KANK1: variants seen among roughly 807,000 people sequenced by gnomAD.
KANK1 encodes the protein KN motif and ankyrin repeat domains 1, also known as KN motif and ankyrin repeat domain-containing protein 1.
A neutral mutation model predicts 106.2 loss-of-function variants in KANK1; 109 were observed. The observed-to-expected ratio is 1.03, with a 90% confidence interval of 0.88 to 1.20. The LOEUF is 1.20. Among genes scored for constraint, KANK1 ranks in the 50% most tolerant of loss-of-function variants. The pLI, the probability that KANK1 is intolerant of heterozygous loss-of-function variation, is 0.00. For missense variants in KANK1, 2,399 were observed against 1,710.7 expected (o/e 1.40, Z -7.10); for synonymous variants, 873 against 652.2 (o/e 1.34, Z -5.16).
At chr9:690,303 C>T (rs1588939879) in intron 2 of KANK1, among the ~76,000 whole-genome samples, 1 of 133,906 alleles carries the variant, frequency 7.5e-6, no homozygotes, top group Non-Finnish European at 1.5e-5. Flanking sequence ...GAGACTCTGT[C>T]TCAAAAAAAA....
At position 530,264 on chromosome 9, in the gene KANK1, A is replaced by T. The variant is rs143189220; in HGVS notation, c.-84+25510A>T. On this transcript the variant is annotated intron_variant, in intron 1 of 11. Transcript: ENST00000382297. ...TAGCAGCTTATTTTAAAGTCTTTGG[A>T]TTTAATATCATGAAGAGAAAAAGGC... Among the ~76,000 whole-genome samples, 610 of 152,290 alleles carry T rather than the reference A, an allele frequency of 4.0e-3. 5 individuals are homozygous for T. Among genetic ancestry groups the T allele is most frequent in the African/African-American group, 0.013 (540 of 41,562 alleles).
chr9:526,544 C>G (rs1311734748), intron 1 of KANK1, among the ~76,000 whole-genome samples: 1 of 151,590 alleles, frequency 6.6e-6, no homozygotes, highest in Non-Finnish European at 1.5e-5. Flanking sequence ...AAGACCCTTT[C>G]TGTACAAAAA....
chr9:491,390 C>T (rs1466810145), intron 3 of KANK1, among the ~76,000 whole-genome samples: 1 of 151,990 alleles, frequency 6.6e-6, no homozygotes, highest in African/African-American at 2.4e-5. Flanking sequence ...GCCTCAGCCT[C>T]CTGAGTAGCT....
At chr9:671,298 A>G (rs1390743975) in intron 1 of KANK1, among the ~76,000 whole-genome samples, 2 of 151,884 alleles carry the variant, frequency 1.3e-5, no homozygotes, top group Non-Finnish European at 2.9e-5. Context: ...ACATTCATAT[A>G]AAGAACAAGG....
At chr9:535,820 C>T (rs1050054301) in intron 1 of KANK1, among the ~76,000 whole-genome samples, 4 of 152,170 alleles carry the variant, frequency 2.6e-5, no homozygotes, top group Non-Finnish European at 4.4e-5. Flanking sequence ...CTTCTGGGTC[C>T]TCACAAGCAG....
intron 1 of KANK1, among the ~76,000 whole-genome samples, chr9:558,674 A>G (rs920795875): frequency 3.4e-5 from 5 of 148,408 alleles, no homozygotes; most frequent in African/African-American, 1.0e-4. Flanking sequence ...CAAAATCACC[A>G]AGAAACCCAC....
chr9:511,987 G>A (rs895720045), intron 1 of KANK1, among the ~76,000 whole-genome samples: 1 of 152,042 alleles, frequency 6.6e-6, no homozygotes, highest in Admixed American at 6.5e-5. Context: ...TGGTGGATGT[G>A]CTGGTCCACT....
chr9:552,571 G>T (rs976734195), intron 1 of KANK1, among the ~76,000 whole-genome samples: 3 of 152,152 alleles, frequency 2.0e-5, no homozygotes, highest in African/African-American at 7.2e-5. Context: ...GAAGGGAACT[G>T]CTCATTTGAA....
chr9:643,409 C>T (rs1286374179), intron 1 of KANK1, among the ~76,000 whole-genome samples: 3 of 150,682 alleles, frequency 2.0e-5, no homozygotes, highest in East Asian at 1.9e-4. Flanking sequence ...ATCCTTTTTG[C>T]AGTACTTTTT....
Position 716,006 on chromosome 9 carries a change from T to C in KANK1, c.2698+2542T>C, listed in dbSNP as rs1226987564. Among the ~76,000 whole-genome samples, 2 of 152,218 alleles carry C rather than the reference T, an allele frequency of 1.3e-5. 1 individual carries two copies. Among genetic ancestry groups the C allele is most frequent in the South Asian group, 4.1e-4 (2 of 4,828 alleles). ...ATAGAGAATAGCACTCACCACAGTCTAGAATGTATTTCTGAACCAAAAGAT... is the reference window on the plus strand; with the variant it reads ...ATAGAGAATAGCACTCACCACAGTCCAGAATGTATTTCTGAACCAAAAGAT... On this transcript the variant is annotated intron_variant, in intron 3 of 11. Coordinates refer to ENST00000382297, the MANE Select transcript of KANK1 (RefSeq NM_015158.5).
chr9:621,899 C>T (rs1451211311), intron 1 of KANK1, among the ~76,000 whole-genome samples: 2 of 152,152 alleles, frequency 1.3e-5, no homozygotes, highest in East Asian at 1.9e-4. Flanking sequence ...TCCAAATGCT[C>T]CACCAAAGGG....
At chr9:654,610 C>G (rs951964138) in intron 1 of KANK1, among the ~76,000 whole-genome samples, 1 of 152,048 alleles carries the variant, frequency 6.6e-6, no homozygotes, top group Non-Finnish European at 1.5e-5. Flanking sequence ...TGCTTTGACC[C>G]TATGAGCCCA....
At chr9:735,083 T>A (rs1159021098) in intron 7 of KANK1, among the ~76,000 whole-genome samples, 1 of 152,220 alleles carries the variant, frequency 6.6e-6, no homozygotes, top group Non-Finnish European at 1.5e-5. Context: ...GAGGCATCTG[T>A]GAGGCGTACA....
intron 1 of KANK1, among the ~76,000 whole-genome samples, chr9:532,272 A>C (rs1587568306): frequency 3.6e-5 from 4 of 110,658 alleles, no homozygotes; most frequent in South Asian, 2.6e-4. Flanking sequence ...ACAGAGTTTC[A>C]CTCTTGTTGC....
chr9:484,928 G>T (rs1169336927), intron 3 of KANK1, among the ~76,000 whole-genome samples: 1 of 142,242 alleles, frequency 7.0e-6, no homozygotes, highest in East Asian at 1.9e-4. Context: ...ATCTGCCATG[G>T]AGAATGCAAA....
intron 1 of KANK1, among the ~76,000 whole-genome samples, chr9:573,712 A>C (rs2804270): frequency 1.3e-5 from 2 of 151,534 alleles, no homozygotes; most frequent in Non-Finnish European, 2.9e-5. Flanking sequence ...TTTCTAGCTC[A>C]ACACTCCCAC....
chr9:610,928 C>G (rs1046567446), intron 1 of KANK1, among the ~76,000 whole-genome samples: 1 of 152,138 alleles, frequency 6.6e-6, no homozygotes, highest in Admixed American at 6.5e-5. Context: ...CGTCCCCAGT[C>G]CCGTAGAAGA....
At chr9:573,905 T>G (rs977031928) in intron 1 of KANK1, among the ~76,000 whole-genome samples, 3 of 152,212 alleles carry the variant, frequency 2.0e-5, no homozygotes, top group African/African-American at 7.2e-5. Flanking sequence ...CAGGGCACTT[T>G]TTGTTTTGTA....
intron 1 of KANK1, among the ~76,000 whole-genome samples, chr9:628,633 T>C (rs1834925004): frequency 6.6e-6 from 1 of 152,120 alleles, no homozygotes; most frequent in Non-Finnish European, 1.5e-5. Flanking sequence ...AACTACTGAC[T>C]TAGGATTCAA....
Sources: allele counts gnomAD v4.1 joint callset (sites outside exome capture counted in the v4.1 genomes callset), GRCh38; gene constraint gnomAD v4.1.1; transcripts MANE v1.5; gene names NCBI Gene and HGNC (gene_info 2026-07-23, HGNC 2026-07-21).